TSPAN3: variants seen among roughly 807,000 people sequenced by gnomAD.
The protein encoded by TSPAN3 is tetraspanin 3, also known as tetraspanin-3.
TSPAN3 carries 9 observed loss-of-function variants against 31.1 expected under a neutral mutation model. The ratio of observed to expected loss-of-function variants is 0.29; its 90% CI spans 0.17 to 0.50. TSPAN3 has a LOEUF of 0.50. Among genes scored for constraint, TSPAN3 ranks in the 20% least tolerant of loss-of-function variants. TSPAN3 has a pLI of 0.98. For missense variants in TSPAN3, 252 were observed against 313.5 expected (o/e 0.80, Z 1.48); for synonymous variants, 129 against 114.3 (o/e 1.13, Z -0.82).
chr15:77,070,963 T>C lies in TSPAN3; in HGVS notation c.-9A>G, dbSNP rs1255314528. 1.4e-6 allele frequency: 2 copies of C among 1,427,790 alleles called. No homozygotes were observed. Among genetic ancestry groups the C allele is most frequent in the South Asian group, 1.4e-5 (1 of 71,326 alleles). The allele number at this position is 1,427,790 out of a possible 1,614,324, so 88.4% of individuals were successfully genotyped here. On this transcript the variant is annotated 5_prime_UTR_variant, in exon 1 of 7. Transcript: ENST00000267970. ...ATGCCGCACTGGCCCATGGCGCCGG[T>C]GGCCCGCGAAGGCCCGGCCCGGAGA...
In TSPAN3 at chr15:77,044,529, C is replaced by G. The variant is rs1263032092; in HGVS notation, c.*2306G>C. On this transcript the variant is annotated 3_prime_UTR_variant, in exon 7 of 7. Coordinates refer to ENST00000267970, the MANE Select transcript of TSPAN3 (RefSeq NM_005724.6). ...ATGGTTTCCCAGACCTCAGAGCTAC[C>G]TCCCCACCTCCATCTTTTTGGTCTC... 6.6e-6 allele frequency: 1 copy of G among 152,198 alleles called. No homozygotes were observed. The highest frequency in any genetic ancestry group is 2.4e-5 in the African/African-American group (1 of 41,432). The allele number at this position is 152,198 out of a possible 1,614,324, so 9.4% of individuals were successfully genotyped here. A position where few individuals can be genotyped will look rare whatever the true frequency, so the allele number is the denominator to read the frequency against.
intron 1 of TSPAN3, among the ~76,000 whole-genome samples, chr15:77,062,933 T>TA (rs1482892036): frequency 3.9e-5 from 6 of 152,232 alleles, no homozygotes; most frequent in Non-Finnish European, 5.9e-5. Context: ...AAAATGTTGA[T>TA]ATTGGTTGTC....
At chr15:77,070,614 G>A (rs1000726512) in intron 1 of TSPAN3, among the ~76,000 whole-genome samples, 12 of 152,062 alleles carry the variant, frequency 7.9e-5, no homozygotes, top group African/African-American at 2.4e-4. Context: ...CTGGCACGGA[G>A]CCAGCCCGCG....
In TSPAN3 at chr15:77,070,956, G is replaced by A. The variant is rs1009366265; in HGVS notation, c.-2C>T. The A allele has an allele frequency of 1.4e-6, 2 of 1,433,870 alleles. No homozygotes were observed. The highest frequency in any genetic ancestry group is 2.8e-5 in the Admixed American group (1 of 35,930). The allele number at this position is 1,433,870 out of a possible 1,614,324, so 88.8% of individuals were successfully genotyped here. On this transcript the variant is annotated 5_prime_UTR_variant, in exon 1 of 7. Transcript: ENST00000267970. Reference sequence around the variant, plus strand: ...GGAGGTGATGCCGCACTGGCCCATGGCGCCGGTGGCCCGCGAAGGCCCGGC... The same window carrying A: ...GGAGGTGATGCCGCACTGGCCCATGACGCCGGTGGCCCGCGAAGGCCCGGC...
At chr15:77,059,523 A>G (rs2076788369) in intron 1 of TSPAN3, among the ~76,000 whole-genome samples, 1 of 152,244 alleles carries the variant, frequency 6.6e-6, no homozygotes, top group African/African-American at 2.4e-5. Flanking sequence ...TTGCTAAAGT[A>G]AATAGTATCA....
chr15:77,052,633 C>T lies in TSPAN3; in HGVS notation c.585+144G>A, dbSNP rs1189639950. On this transcript the variant is annotated intron_variant, in intron 5 of 6. Coordinates refer to ENST00000267970, the MANE Select transcript of TSPAN3 (RefSeq NM_005724.6). ...TACAGACATGTAATTAAAACAAAGA[C>T]ATGCATTTTATAATAATTTACAGTA... 4.6e-6 allele frequency: 5 copies of T among 1,088,234 alleles called. No individual in the cohort carries two copies. In the East Asian group the frequency reaches 7.6e-5, roughly 17 times the overall value. 67.4% of individuals were successfully genotyped at this position (1,088,234 alleles called of 1,614,324 possible). A position where few individuals can be genotyped will look rare whatever the true frequency, so the allele number is the denominator to read the frequency against.
At chr15:77,070,583 G>GGC (rs1555686583) in intron 1 of TSPAN3, among the ~76,000 whole-genome samples, 5 of 93,198 alleles carry the variant, frequency 5.4e-5, no homozygotes, top group South Asian at 6.3e-4. Context: ...CGGCGACTCC[G>GGC]GGGGGGGGAG....
rs373387891 is a variant in TSPAN3, at chr15:77,052,945, A to G, written c.433-16T>C. On this transcript the variant is annotated splice_polypyrimidine_tract_variant and intron_variant, in intron 4 of 6. Coordinates refer to ENST00000267970, the MANE Select transcript of TSPAN3 (RefSeq NM_005724.6). The stretch of plus-strand genomic sequence containing the variant: ...AACAATGCAGCTAAAGGAGAAGAGA[A>G]TAAGTATTATTTCTCACAAAAACCA... 3.2e-5 allele frequency: 52 copies of G among 1,607,464 alleles called. No homozygotes were observed. The African/African-American group carries it at 3.9e-4, about 12-fold the overall frequency.
intron 6 of TSPAN3, among the ~76,000 whole-genome samples, chr15:77,047,681 C>T (rs2076703556): frequency 6.6e-6 from 1 of 152,056 alleles, no homozygotes. Context: ...AAAGTCATGC[C>T]ATGTTATTTT....
chr15:77,041,637 G>A lies in TSPAN3; in HGVS notation c.*5198C>T, dbSNP rs148870841. The A allele has an allele frequency of 1.3e-5, 2 of 151,988 alleles. No homozygotes were observed. Among genetic ancestry groups the A allele is most frequent in the East Asian group, 1.9e-4 (1 of 5,166 alleles). The allele number at this position is 151,988 out of a possible 1,614,324, so 9.4% of individuals were successfully genotyped here. On this transcript the variant is annotated 3_prime_UTR_variant, in exon 7 of 7. Transcript: ENST00000267970. ...TGATCTCAAGTGACCCACCTGTCTCGACCTCCCAAAGTGCTATGATTACAG... is the reference window on the plus strand; with the variant it reads ...TGATCTCAAGTGACCCACCTGTCTCAACCTCCCAAAGTGCTATGATTACAG...
chr15:77,049,287 G>A (rs919825988), intron 6 of TSPAN3, among the ~76,000 whole-genome samples: 10 of 152,062 alleles, frequency 6.6e-5, no homozygotes, highest in African/African-American at 1.7e-4. Flanking sequence ...CTTCACATGC[G>A]GCACAGAGAC....
At chr15:77,070,654 G>A (rs2076862978) in intron 1 of TSPAN3, among the ~76,000 whole-genome samples, 3 of 152,038 alleles carry the variant, frequency 2.0e-5, no homozygotes, top group African/African-American at 7.2e-5. Context: ...CCGGCTGGAG[G>A]CCGTGGAGTC....
At chr15:77,051,538 A>AG (rs1555684811) in intron 6 of TSPAN3, among the ~76,000 whole-genome samples, 6 of 151,374 alleles carry the variant, frequency 4.0e-5, no homozygotes, top group African/African-American at 1.5e-4. Context: ...TAAAAAAAAA[A>AG]AAAAGAAAAG....
chr15:77,057,579 A>G (rs1166858925), intron 1 of TSPAN3, among the ~76,000 whole-genome samples: 1 of 152,242 alleles, frequency 6.6e-6, no homozygotes, highest in Non-Finnish European at 1.5e-5. Flanking sequence ...TAAAGTGAGA[A>G]GACAACTAGA....
At chr15:77,057,985 T>C (rs543213599) in intron 1 of TSPAN3, among the ~76,000 whole-genome samples, 1 of 152,290 alleles carries the variant, frequency 6.6e-6, no homozygotes, top group Non-Finnish European at 1.5e-5. Context: ...ATTTTTCTGG[T>C]CAAACATCTG....
chr15:77,065,224 T>C (rs1349760815), intron 1 of TSPAN3, among the ~76,000 whole-genome samples: 2 of 152,156 alleles, frequency 1.3e-5, no homozygotes, highest in South Asian at 2.1e-4. Flanking sequence ...GCATAACACA[T>C]CACTCTGATC....
intron 6 of TSPAN3, among the ~76,000 whole-genome samples, chr15:77,048,039 C>T (rs935806332): frequency 2.0e-5 from 3 of 152,240 alleles, no homozygotes; most frequent in African/African-American, 7.2e-5. Flanking sequence ...CTATATTCTG[C>T]CCATTCGGGA....
intron 1 of TSPAN3, among the ~76,000 whole-genome samples, chr15:77,066,789 A>G (rs761510935): frequency 6.6e-6 from 1 of 152,102 alleles, no homozygotes; most frequent in Non-Finnish European, 1.5e-5. Context: ...TTAATATTCT[A>G]GAATTTGGTG....
At chr15:77,070,549 T>C (rs2076861568) in intron 1 of TSPAN3, among the ~76,000 whole-genome samples, 2 of 151,334 alleles carry the variant, frequency 1.3e-5, no homozygotes, top group Non-Finnish European at 2.9e-5. Context: ...TGCTACAGTC[T>C]GCAATAAGCG....
Sources: gnomAD v4.1 joint callset for allele counts (sites outside exome capture counted in the v4.1 genomes callset) on GRCh38, gnomAD v4.1.1 for gene constraint, MANE v1.5 for transcripts, NCBI Gene and HGNC (gene_info 2026-07-23, HGNC 2026-07-21) for gene names.